TIAM1: variants seen among roughly 807,000 people sequenced by gnomAD.
TIAM1 encodes the protein rho guanine nucleotide exchange factor TIAM1.
TIAM1 carries 65 observed loss-of-function variants against 163.5 expected under a neutral mutation model. The ratio of observed to expected loss-of-function variants is 0.40; its 90% CI spans 0.33 to 0.49. The LOEUF (loss-of-function observed/expected upper bound fraction) is 0.49, where lower values mean the gene tolerates loss of function less well. TIAM1 is among the 20% of genes least tolerant of loss of function. The pLI, the probability that TIAM1 is intolerant of heterozygous loss-of-function variation, is 0.77. For synonymous variants in TIAM1, 833 were observed against 810.1 expected, an observed-to-expected ratio of 1.03 and a Z score of -0.48; for missense variants, 1,789 against 2,044.7, an observed-to-expected ratio of 0.87 and a Z score of 2.41.
intron 15 of TIAM1, among the ~76,000 whole-genome samples, chr21:31,171,035 CAAA>C (rs34291568): frequency 1.5e-4 from 3 of 19,572 alleles, no homozygotes; most frequent in African/African-American, 2.0e-4. Context: ...GACTCCATCT[CAAA>C]AAAAAAAAAA....
At position 31,523,988 on chromosome 21, in the gene TIAM1, G is replaced by A. The variant is rs542602063; in HGVS notation, c.-422+34939C>T. 2.4e-4 allele frequency among the ~76,000 whole-genome samples: 35 copies of A among 147,964 alleles called. 1 individual carries two copies. Among genetic ancestry groups the A allele is most frequent in the Admixed American group, 1.8e-3 (26 of 14,508 alleles). ...ATGATAATTCCCAATGCTCACTCCA[G>A]CCTGGGTGACGAAGCCAGACCCCAA... is the stretch of plus-strand genomic sequence containing the variant. On this transcript the variant is annotated intron_variant, in intron 1 of 28. Transcript: ENST00000286827.
chr21:31,353,232 C>T (rs1460601965), intron 2 of TIAM1, among the ~76,000 whole-genome samples: 2 of 152,132 alleles, frequency 1.3e-5, no homozygotes, highest in African/African-American at 4.8e-5. Context: ...ATGAATCAAA[C>T]CCAAATTCTT....
At chr21:31,328,765 G>T (rs958391042) in intron 2 of TIAM1, among the ~76,000 whole-genome samples, 7 of 151,326 alleles carry the variant, frequency 4.6e-5, no homozygotes, top group Non-Finnish European at 1.5e-5. Flanking sequence ...CTGTGTCCAT[G>T]TGTTCTCATT....
chr21:31,443,862 T>G (rs1166217090), intron 2 of TIAM1, among the ~76,000 whole-genome samples: 2 of 152,216 alleles, frequency 1.3e-5, no homozygotes, highest in African/African-American at 4.8e-5. Flanking sequence ...AACTGGAATT[T>G]GAAATTCATT....
intron 1 of TIAM1, among the ~76,000 whole-genome samples, chr21:31,486,121 C>G (rs779323349): frequency 2.6e-5 from 4 of 152,196 alleles, no homozygotes; most frequent in Admixed American, 1.3e-4. Context: ...AAAACCAGTT[C>G]TTGTCCACAA....
chr21:31,215,676 A>G (rs1393751299), intron 9 of TIAM1, among the ~76,000 whole-genome samples: 1 of 151,934 alleles, frequency 6.6e-6, no homozygotes, highest in Admixed American at 6.6e-5. Context: ...TTCTGATGAA[A>G]TGTTGACTTT....
chr21:31,264,697 T>G (rs1353977420), intron 4 of TIAM1, among the ~76,000 whole-genome samples: 1 of 152,134 alleles, frequency 6.6e-6, no homozygotes, highest in East Asian at 1.9e-4. Flanking sequence ...CTATGCCCAT[T>G]ATATTTAGAC....
chr21:31,312,223 A>T (rs1305408931), intron 2 of TIAM1, among the ~76,000 whole-genome samples: 3 of 152,172 alleles, frequency 2.0e-5, no homozygotes, highest in Non-Finnish European at 4.4e-5. Context: ...ACTCCCCTTC[A>T]TATATACATC....
intron 15 of TIAM1, among the ~76,000 whole-genome samples, chr21:31,172,440 A>C (rs989202593): frequency 6.6e-6 from 1 of 152,142 alleles, no homozygotes; most frequent in Non-Finnish European, 1.5e-5. Flanking sequence ...TTTGTTCTGG[A>C]CATTCCTGTC....
intron 2 of TIAM1, among the ~76,000 whole-genome samples, chr21:31,372,231 T>G (rs2076608332): frequency 6.6e-6 from 1 of 152,202 alleles, no homozygotes; most frequent in African/African-American, 2.4e-5. Context: ...CATCAGATTT[T>G]GTCATCCAAG....
At chr21:31,135,332 C>T (rs2833294) in intron 23 of TIAM1, among the ~76,000 whole-genome samples, 92,762 of 152,038 alleles carry the variant, frequency 0.61, 29,038 homozygotes, top group African/African-American at 0.74. Flanking sequence ...ATTGCAGCAA[C>T]TGCATCCATC....
At chr21:31,132,018 G>A (rs1030624586) in intron 23 of TIAM1, among the ~76,000 whole-genome samples, 4 of 152,174 alleles carry the variant, frequency 2.6e-5, no homozygotes, top group Non-Finnish European at 4.4e-5. Context: ...CAGCCCAAAT[G>A]GACTAAGATA....
intron 3 of TIAM1, among the ~76,000 whole-genome samples, chr21:31,271,708 T>C (rs2073065919): frequency 6.6e-6 from 1 of 152,176 alleles, no homozygotes; most frequent in South Asian, 2.1e-4. Context: ...AGGGCAAGTG[T>C]AGAACTGCTC....
intron 6 of TIAM1, among the ~76,000 whole-genome samples, chr21:31,237,103 T>A (rs921799099): frequency 6.6e-6 from 1 of 152,096 alleles, no homozygotes; most frequent in Non-Finnish European, 1.5e-5. Context: ...AAACCGATGG[T>A]TGAAAGCTGG....
At position 31,153,107 on chromosome 21, in the gene TIAM1, G is replaced by A. The variant is rs2083454841; in HGVS notation, c.3199C>T (p.Leu1067=). The A allele has an allele frequency of 5.0e-6, 8 of 1,613,236 alleles. No individual in the cohort carries two copies. Among genetic ancestry groups the A allele is most frequent in the Non-Finnish European group, 4.2e-6 (5 of 1,179,806 alleles). ...KDLNCLMERY[L]KPLQKETFLT... ...AAAGTTTCTTTTTGAAGAGGCTTTA[G>A]GTATCTCTCCATAAGACAGTTTAAA... The change falls in exon 18 of 28, where the codon CTA becomes TTA. Residue 1067 remains leucine, a synonymous_variant. Coordinates refer to ENST00000541036, the MANE Select transcript of TIAM1 (RefSeq NM_001353694.2).
intron 1 of TIAM1, among the ~76,000 whole-genome samples, chr21:31,479,986 AT>A (rs1261215287): frequency 1.3e-5 from 2 of 152,168 alleles, no homozygotes; most frequent in African/African-American, 2.4e-5. Flanking sequence ...CAGTGCGGCC[AT>A]TGTCCATTTA....
Position 31,197,524 on chromosome 21 carries a change from C to G in TIAM1, c.2494-2219G>C, listed in dbSNP as rs367867564. Reference sequence around the variant, plus strand: ...CCGAGTAGCTGGGACTACAGGCGCCCGCCACCGCGCCCGGCTTTTTTTTTT... The same window carrying G: ...CCGAGTAGCTGGGACTACAGGCGCCGGCCACCGCGCCCGGCTTTTTTTTTT... On this transcript the variant is annotated intron_variant, in intron 12 of 27. Transcript: ENST00000541036. Among the ~76,000 whole-genome samples, 19 of 149,846 alleles carry G rather than the reference C, an allele frequency of 1.3e-4. No individual in the cohort carries two copies. The East Asian group carries it at 3.7e-3, about 29-fold the overall frequency.
chr21:31,475,369 T>C (rs1197382921), intron 1 of TIAM1, among the ~76,000 whole-genome samples: 1 of 152,194 alleles, frequency 6.6e-6, no homozygotes, highest in Non-Finnish European at 1.5e-5. Context: ...CATCCGGCAC[T>C]GTGAGCTATT....
chr21:31,383,019 C>G (rs908452999), intron 2 of TIAM1, among the ~76,000 whole-genome samples: 1 of 152,142 alleles, frequency 6.6e-6, no homozygotes, highest in African/African-American at 2.4e-5. Flanking sequence ...GCGGGAAGAT[C>G]ACCTGAGGTC....
Sources: allele counts gnomAD v4.1 joint callset (sites outside exome capture counted in the v4.1 genomes callset), GRCh38; gene constraint gnomAD v4.1.1; transcripts MANE v1.5; gene names NCBI Gene and HGNC (gene_info 2026-07-23, HGNC 2026-07-21).